Variants in GPRASP3 observed in about 807,000 individuals in gnomAD.
GPRASP3 encodes G protein-coupled receptor associated sorting protein family member 3.
At chrX:102,736,050 G>A in the GPRASP3 span, among the ~76,000 whole-genome samples, 2 of 111,757 alleles carry the variant, frequency 1.8e-5, no homozygotes, top group Non-Finnish European at 3.8e-5. Context: ...GCATAGCTAG[G>A]GATATGGCTA....
the GPRASP3 span, among the ~76,000 whole-genome samples, chrX:102,727,830 T>C: frequency 8.9e-6 from 1 of 112,516 alleles, no homozygotes. Flanking sequence ...GTATACACAA[T>C]AATCCTGTAA....
At chrX:102,724,381 G>C in the GPRASP3 span, among the ~76,000 whole-genome samples, 1 of 111,893 alleles carries the variant, frequency 8.9e-6, no homozygotes, top group African/African-American at 3.2e-5. Context: ...GAAGGATTCA[G>C]ACCCAACAGT....
At chrX:102,744,340 T>C in the GPRASP3 span, among the ~76,000 whole-genome samples, 2,734 of 112,306 alleles carry the variant, frequency 0.024, 100 homozygotes, top group African/African-American at 0.085. Flanking sequence ...GAAATAAAAC[T>C]CTCACATCAG....
chrX:102,735,395 C>T, the GPRASP3 span, among the ~76,000 whole-genome samples: 4 of 108,385 alleles, frequency 3.7e-5, no homozygotes, highest in Non-Finnish European at 7.6e-5. Flanking sequence ...TGTTTACACA[C>T]AGAATCTCTT....
At chrX:102,730,449 TGAAG>T in the GPRASP3 span, among the ~76,000 whole-genome samples, 8 of 112,272 alleles carry the variant, frequency 7.1e-5, no homozygotes, top group Non-Finnish European at 1.5e-4. Flanking sequence ...CTCCTGAGCT[TGAAG>T]ATAGGTCAAT....
chrX:102,750,684 C>T, the GPRASP3 span: 1 of 1,035,407 alleles, frequency 9.7e-7, no homozygotes, highest in Non-Finnish European at 1.3e-6. Context: ...CAAACTCTAG[C>T]AGGCTGTACA....
chrX:102,733,529 C>T, the GPRASP3 span, among the ~76,000 whole-genome samples: 1 of 108,444 alleles, frequency 9.2e-6, no homozygotes, highest in Admixed American at 9.9e-5. Flanking sequence ...GAAAGGAATA[C>T]GCTCCAAATT....
At chrX:102,750,215 A>G in the GPRASP3 span, 1 of 1,202,326 alleles carries the variant, frequency 8.3e-7, no homozygotes, top group South Asian at 1.8e-5. Flanking sequence ...CATGTTAAGC[A>G]TATGTGTAAA....
the GPRASP3 span, among the ~76,000 whole-genome samples, chrX:102,730,380 G>A: frequency 8.9e-6 from 1 of 112,713 alleles, no homozygotes; most frequent in East Asian, 2.8e-4. Flanking sequence ...CTCCTGCTGT[G>A]TGACCCAGTT....
chrX:102,743,124 G>C, the GPRASP3 span, among the ~76,000 whole-genome samples: 12 of 110,457 alleles, frequency 1.1e-4, no homozygotes, highest in African/African-American at 3.9e-4. Context: ...TTTGAGCTCT[G>C]TCTGTCCTTT....
At chrX:102,744,186 A>G in the GPRASP3 span, among the ~76,000 whole-genome samples, 1 of 112,392 alleles carries the variant, frequency 8.9e-6, no homozygotes, top group Admixed American at 9.4e-5. Context: ...TAGCCAGATC[A>G]GATCTCCTTC....
At chrX:102,730,141 G>T in the GPRASP3 span, among the ~76,000 whole-genome samples, 2 of 112,160 alleles carry the variant, frequency 1.8e-5, no homozygotes, top group Non-Finnish European at 3.8e-5. Flanking sequence ...AAGCTAGATG[G>T]TCCCATCTTG....
chrX:102,739,556 G>A, the GPRASP3 span, among the ~76,000 whole-genome samples: 2 of 111,710 alleles, frequency 1.8e-5, no homozygotes, highest in South Asian at 7.6e-4. Flanking sequence ...CTGAGGACTT[G>A]GGGCCTGGGG....
At chrX:102,750,171 T>C in the GPRASP3 span, 1 of 1,206,942 alleles carries the variant, frequency 8.3e-7, no homozygotes, top group Non-Finnish European at 1.1e-6. Flanking sequence ...TGAATCCTCC[T>C]TCTGGGGATG....
At chrX:102,738,124 C>G in the GPRASP3 span, among the ~76,000 whole-genome samples, 1 of 111,910 alleles carries the variant, frequency 8.9e-6, no homozygotes, top group Non-Finnish European at 1.9e-5. Flanking sequence ...TTAAGCCAAG[C>G]AGTTTAAGGT....
At chrX:102,744,383 C>T in the GPRASP3 span, among the ~76,000 whole-genome samples, 1 of 112,178 alleles carries the variant, frequency 8.9e-6, no homozygotes, top group Non-Finnish European at 1.9e-5. Flanking sequence ...GTATTTAAGA[C>T]AATGTGTTAA....
chrX:102,745,681 G>A, the GPRASP3 span, among the ~76,000 whole-genome samples: 2 of 111,403 alleles, frequency 1.8e-5, no homozygotes, highest in Non-Finnish European at 3.8e-5. Flanking sequence ...ACACCAAGGG[G>A]CGGTTTGGTA....
At chrX:102,729,072 C>T in the GPRASP3 span, among the ~76,000 whole-genome samples, 7 of 112,017 alleles carry the variant, frequency 6.2e-5, no homozygotes, top group Non-Finnish European at 1.3e-4. Context: ...GAGTGAGAAA[C>T]CCCTGAGGAT....
chrX:102,753,334 A>G, the GPRASP3 span: 4 of 123,660 alleles, frequency 3.2e-5, no homozygotes, highest in South Asian at 1.5e-3. Context: ...ATTGCCAAGT[A>G]GTATTCCACC....
Sources: allele counts gnomAD v4.1 joint callset (sites outside exome capture counted in the v4.1 genomes callset), GRCh38; gene constraint gnomAD v4.1.1; transcripts MANE v1.5; gene names NCBI Gene and HGNC (gene_info 2026-07-23, HGNC 2026-07-21).